The following ARHGAP44 variants were observed in gnomAD, a reference collection of about 807,000 sequenced individuals.
The protein encoded by ARHGAP44 is Rho GTPase activating protein 44.
Under a neutral mutation model 106.8 loss-of-function variants are expected in ARHGAP44, and 43 were observed. The ratio of observed to expected loss-of-function variants is 0.40; its 90% confidence interval spans 0.32 to 0.52. The LOEUF is 0.52. Among genes scored for constraint, ARHGAP44 ranks in the 20% least tolerant of loss-of-function variants. The pLI is 0.48. For missense variants in ARHGAP44, 866 were observed against 1,050.5 expected (o/e 0.82, Z 2.43); for synonymous variants, 439 against 410.3 (o/e 1.07, Z -0.85).
intron 16 of ARHGAP44, among the ~76,000 whole-genome samples, chr17:12,972,463 G>C (rs1047744579): frequency 1.6e-4 from 25 of 151,854 alleles, no homozygotes; most frequent in Non-Finnish European, 3.2e-4. Flanking sequence ...GCCTGGCCAA[G>C]ATGGTTAAAC....
intron 1 of ARHGAP44, among the ~76,000 whole-genome samples, chr17:12,801,894 A>AG (rs1326245478): frequency 6.6e-6 from 1 of 151,852 alleles, no homozygotes; most frequent in Non-Finnish European, 1.5e-5. Flanking sequence ...GAAGAGAGAG[A>AG]GAAAAAAAAA....
chr17:12,871,992 T>G (rs7216393), intron 1 of ARHGAP44, among the ~76,000 whole-genome samples: 1 of 152,122 alleles, frequency 6.6e-6, no homozygotes, highest in African/African-American at 2.4e-5. Context: ...TTTATAGCCA[T>G]GTGAGAAAGG....
intron 7 of ARHGAP44, among the ~76,000 whole-genome samples, chr17:12,933,464 C>T (rs536878350): frequency 2.6e-4 from 40 of 152,334 alleles, no homozygotes; most frequent in Non-Finnish European, 4.0e-4. Context: ...GCACTGCCTT[C>T]CTGTGTTCTT....
chr17:12,802,945 ATATATATATATATATATATATATAT>A (rs1567621142), intron 1 of ARHGAP44, among the ~76,000 whole-genome samples: 5 of 15,510 alleles, frequency 3.2e-4, no homozygotes, highest in Admixed American at 1.5e-3. Flanking sequence ...ATATATATAT[ATATATATATATATATATATATATAT>A]TTTTTTTTTT....
At chr17:12,968,154 A>G (rs963796023) in intron 16 of ARHGAP44, among the ~76,000 whole-genome samples, 3 of 152,224 alleles carry the variant, frequency 2.0e-5, no homozygotes, top group Non-Finnish European at 4.4e-5. Flanking sequence ...TAAGGGGGCA[A>G]CGTGGCGGGG....
chr17:12,936,448 A>C (rs1417210255), intron 7 of ARHGAP44, among the ~76,000 whole-genome samples: 1 of 152,220 alleles, frequency 6.6e-6, no homozygotes, highest in Non-Finnish European at 1.5e-5. Flanking sequence ...ATCCTACAGT[A>C]TGTAGCCTTT....
intron 10 of ARHGAP44, among the ~76,000 whole-genome samples, chr17:12,947,091 A>T (rs138354417): frequency 6.6e-6 from 1 of 152,056 alleles, no homozygotes; most frequent in Admixed American, 6.6e-5. Flanking sequence ...TGTCTTCCCA[A>T]TCTCTTTGGT....
At chr17:12,882,704 C>G (rs1282574648) in intron 1 of ARHGAP44, among the ~76,000 whole-genome samples, 1 of 151,944 alleles carries the variant, frequency 6.6e-6, no homozygotes, top group East Asian at 1.9e-4. Context: ...TCTTATTTTG[C>G]CCTTTAATTT....
At chr17:12,900,675 G>C (rs1179453527) in intron 3 of ARHGAP44, among the ~76,000 whole-genome samples, 1 of 152,148 alleles carries the variant, frequency 6.6e-6, no homozygotes, top group Non-Finnish European at 1.5e-5. Context: ...CAGGATTTCT[G>C]TGCTGCAGAA....
intron 13 of ARHGAP44, among the ~76,000 whole-genome samples, chr17:12,955,193 T>C (rs1053747734): frequency 6.6e-6 from 1 of 152,234 alleles, no homozygotes; most frequent in Non-Finnish European, 1.5e-5. Flanking sequence ...CAACACTTCA[T>C]TCCTTTTTAT....
rs2038413618 is a variant in ARHGAP44, at chr17:12,931,872, ACACACACAT to A, written c.582+2827_582+2835del. Among the ~76,000 whole-genome samples, 5 of 151,004 alleles carry A rather than the reference ACACACACAT, an allele frequency of 3.3e-5. No individual in the cohort carries two copies. In the South Asian group the frequency reaches 1.1e-3, roughly 33 times the overall value. ...CACACACACACACACACACACACACACACACACATATCATGATTTATTTAGCTATTTTCC... is the reference window on the plus strand; with the variant it reads ...CACACACACACACACACACACACACAATCATGATTTATTTAGCTATTTTCC... On this transcript the variant is annotated intron_variant, in intron 7 of 20. Transcript: ENST00000379672.
In ARHGAP44 at chr17:12,949,742, T is replaced by G. The variant is rs776589110; in HGVS notation, c.1055+12T>G. ...ATCCAGGCTTCCAAGTGAGTACCCCTTGTTTTGGAATGTCCTGTGAGTTAC... is the reference window on the plus strand; with the variant it reads ...ATCCAGGCTTCCAAGTGAGTACCCCGTGTTTTGGAATGTCCTGTGAGTTAC... On this transcript the variant is annotated intron_variant, in intron 12 of 20. Transcript: ENST00000379672. The surrounding 1 kb of genome is among the most constrained non-coding windows in gnomAD (Gnocchi z 4.1). 3.1e-6 allele frequency: 5 copies of G among 1,609,320 alleles called. No homozygotes were observed. Among genetic ancestry groups the G allele is most frequent in the Non-Finnish European group, 4.3e-6 (5 of 1,175,914 alleles).
chr17:12,809,732 T>C (rs2034382311), intron 1 of ARHGAP44, among the ~76,000 whole-genome samples: 1 of 152,072 alleles, frequency 6.6e-6, no homozygotes, highest in South Asian at 2.1e-4. Context: ...GGAGACTAAT[T>C]ACGCAGTCAA....
At chr17:12,859,593 A>T (rs1362206105) in intron 1 of ARHGAP44, among the ~76,000 whole-genome samples, 1 of 152,068 alleles carries the variant, frequency 6.6e-6, no homozygotes, top group East Asian at 1.9e-4. Context: ...CTCTCTTAAT[A>T]TTTCCTGAGA....
Position 12,789,795 on chromosome 17 carries a change from C to A in ARHGAP44, c.-44C>A. On this transcript the variant is annotated 5_prime_UTR_variant, in exon 1 of 21. Transcript: ENST00000379672. Reference sequence around the variant, plus strand: ...ACCCTGCGGCGGGCTCCGGGCTGCTCCGTCCTTCCCCAGCTCCCGGGCTAG... The same window carrying A: ...ACCCTGCGGCGGGCTCCGGGCTGCTACGTCCTTCCCCAGCTCCCGGGCTAG... The A allele has an allele frequency of 6.7e-7, 1 of 1,483,982 alleles. No homozygotes were observed. The highest frequency in any genetic ancestry group is 1.3e-5 in the South Asian group (1 of 77,110). 91.9% of individuals were successfully genotyped at this position (1,483,982 alleles called of 1,614,324 possible).
At chr17:12,829,543 A>G (rs932970433) in intron 1 of ARHGAP44, among the ~76,000 whole-genome samples, 3 of 152,074 alleles carry the variant, frequency 2.0e-5, no homozygotes, top group East Asian at 1.9e-4. Flanking sequence ...TTAAGTCTCA[A>G]TTGTACATAG....
chr17:12,827,110 C>T (rs2034942627), intron 1 of ARHGAP44, among the ~76,000 whole-genome samples: 1 of 152,156 alleles, frequency 6.6e-6, no homozygotes, highest in Non-Finnish European at 1.5e-5. Flanking sequence ...GACATACTAT[C>T]ATTTTTGGTC....
intron 18 of ARHGAP44, among the ~76,000 whole-genome samples, chr17:12,975,894 A>G (rs961186598): frequency 6.6e-6 from 1 of 151,692 alleles, no homozygotes; most frequent in African/African-American, 2.4e-5. Context: ...TAATGACAGC[A>G]CTTGGTTATG....
chr17:12,939,389 C>G (rs2038642617), intron 7 of ARHGAP44, among the ~76,000 whole-genome samples: 1 of 152,166 alleles, frequency 6.6e-6, no homozygotes, highest in Admixed American at 6.5e-5. Flanking sequence ...AATACTAAAC[C>G]TAAGAGAGTT....
Sources: gnomAD v4.1 joint callset for allele counts (sites outside exome capture counted in the v4.1 genomes callset) on GRCh38, gnomAD v4.1.1 for gene constraint, Gnocchi (gnomAD v3.1) non-coding constraint, MANE v1.5 for transcripts, NCBI Gene and HGNC (gene_info 2026-07-23, HGNC 2026-07-21) for gene names.